The following MAPT variants were observed in gnomAD, a reference collection of about 807,000 sequenced individuals.
MAPT encodes the protein microtubule-associated protein tau.
Under a neutral mutation model 67.9 loss-of-function variants are expected in MAPT, and 34 were observed. That is an observed-to-expected ratio of 0.50 (90% confidence interval 0.38 to 0.67). The LOEUF (loss-of-function observed/expected upper bound fraction) is 0.67, where lower values mean the gene tolerates loss of function less well. Among genes scored for constraint, MAPT ranks in the 30% least tolerant of loss-of-function variants. The pLI is 0.00. For synonymous variants in MAPT, 456 were observed against 464.5 expected (o/e 0.98, Z 0.23); for missense variants, 881 against 1,115.2 (o/e 0.79, Z 2.99).
chr17:45,936,572 A>G (rs12150111), intron 1 of MAPT, among the ~76,000 whole-genome samples: 21,834 of 152,280 alleles, frequency 0.14, 2,139 homozygotes, highest in Middle Eastern at 0.22. Flanking sequence ...TGGAATTGGC[A>G]AGCCTATCAC....
intron 7 of MAPT, 58 bp from the exon 8 acceptor site, chr17:45,991,402 T>C (rs922978951): frequency 6.2e-7 from 1 of 1,611,812 alleles, no homozygotes; most frequent in Admixed American, 1.7e-5. Context: ...GTGTTGACTC[T>C]TGGTGGCAGT....
At chr17:45,950,861 C>G (rs2068999216) in intron 1 of MAPT, among the ~76,000 whole-genome samples, 1 of 152,100 alleles carries the variant, frequency 6.6e-6, no homozygotes, top group Admixed American at 6.5e-5. Flanking sequence ...CGGGGTTTCA[C>G]CATGTTGGCC....
intron 1 of MAPT, among the ~76,000 whole-genome samples, chr17:45,950,557 C>A (rs1041468052): frequency 6.6e-6 from 1 of 152,224 alleles, no homozygotes; most frequent in African/African-American, 2.4e-5. Flanking sequence ...CCCCTTCCTG[C>A]ACACACACCC....
Position 45,970,747 on chromosome 17 carries a change from G to A in MAPT, c.134-1112G>A, listed in dbSNP as rs533956464. On this transcript the variant is annotated intron_variant, in intron 2 of 12. Coordinates refer to ENST00000262410, the MANE Select transcript of MAPT (RefSeq NM_001377265.1). Reference sequence around the variant, plus strand: ...GAAGTGGAACTGGGACTTGAACCCAGCCATCTTGCCCCTTGGTCCCATGCT... The same window carrying A: ...GAAGTGGAACTGGGACTTGAACCCAACCATCTTGCCCCTTGGTCCCATGCT... 1.1e-4 allele frequency among the ~76,000 whole-genome samples: 16 copies of A among 152,324 alleles called. 1 individual carries two copies. In the South Asian group the frequency reaches 2.5e-3, roughly 24 times the overall value.
chr17:45,996,656 G>A lies in MAPT; in HGVS notation c.1990G>A (p.Gly664Ser). Residue 664 changes from glycine to serine, a missense_variant, in exon 9 of 13, where the codon GGC (glycine) becomes AGC (serine). This residue lies in a region of MAPT where 34 missense variants were observed against 51.2 expected (regional missense o/e 0.66). Transcript: ENST00000262410. This position sits in a 1 kb window ranked among gnomAD's most constrained non-coding sequence, Gnocchi z 4.5. ...STENLKHQPGGGKVQIINKKL... is the reference protein window; with the variant it reads ...STENLKHQPGSGKVQIINKKL... ...TGAGAACCTGAAGCACCAGCCGGGA[G>A]GCGGGAAGGTGAGAGTGGCTGGCTG... The A allele has an allele frequency of 6.2e-7, 1 of 1,613,858 alleles. No individual in the cohort carries two copies. The highest frequency in any genetic ancestry group is 8.5e-7 in the Non-Finnish European group (1 of 1,179,898).
At chr17:45,911,385 C>T (rs1186091757) in intron 1 of MAPT, among the ~76,000 whole-genome samples, 1 of 152,218 alleles carries the variant, frequency 6.6e-6, no homozygotes, top group African/African-American at 2.4e-5. Context: ...GTCCCAGCTG[C>T]TGGGGAATCT....
In MAPT at chr17:45,989,998, C is replaced by T. The variant is rs2073934978; in HGVS notation, c.1528C>T (p.Pro510Ser). 3.1e-6 allele frequency: 5 copies of T among 1,614,156 alleles called. No individual in the cohort carries two copies. Among genetic ancestry groups the T allele is most frequent in the East Asian group, 2.2e-5 (1 of 44,878 alleles). The change falls in exon 7 of 13, where the codon CCA becomes TCA. Residue 510 changes from proline to serine, a missense_variant. By Grantham distance (74) the Pro-to-Ser change is moderately conservative. Coordinates refer to ENST00000262410, the MANE Select transcript of MAPT (RefSeq NM_001377265.1). Reference protein sequence around the residue: ...QPSSPAVCPEPPSSPKYVSSV... With the variant: ...QPSSPAVCPESPSSPKYVSSV... ...CTCCAGCCCTGCTGTGTGCCCAGAGCCACCTTCCTCTCCTAAATACGTCTC... is the reference window on the plus strand; with the variant it reads ...CTCCAGCCCTGCTGTGTGCCCAGAGTCACCTTCCTCTCCTAAATACGTCTC...
intron 11 of MAPT, among the ~76,000 whole-genome samples, chr17:46,017,257 G>A (rs990362335): frequency 6.6e-6 from 1 of 152,084 alleles, no homozygotes; most frequent in African/African-American, 2.4e-5. Context: ...GGTGTCAAGC[G>A]TCAGGAGGGA....
At chr17:45,916,175 G>GAGAAGC (rs1038922059) in intron 1 of MAPT, among the ~76,000 whole-genome samples, 58 of 152,336 alleles carry the variant, frequency 3.8e-4, no homozygotes, top group African/African-American at 1.3e-3. Context: ...TCTACACCCA[G>GAGAAGC]AGAAGCAGCA....
chr17:45,927,162 A>G (rs764521857), intron 1 of MAPT, among the ~76,000 whole-genome samples: 11 of 152,136 alleles, frequency 7.2e-5, no homozygotes, highest in Non-Finnish European at 1.3e-4. Context: ...TTTTCAAAAC[A>G]AAAAATTGGA....
At chr17:45,967,425 A>T (rs1157286919) in intron 2 of MAPT, among the ~76,000 whole-genome samples, 4 of 152,230 alleles carry the variant, frequency 2.6e-5, no homozygotes, top group Non-Finnish European at 5.9e-5. Context: ...CTGAAAAATA[A>T]CAAAACCCAG....
intron 6 of MAPT, among the ~76,000 whole-genome samples, chr17:45,987,613 T>G (rs991249931): frequency 2.0e-5 from 3 of 152,236 alleles, no homozygotes; most frequent in Non-Finnish European, 2.9e-5. Flanking sequence ...TGGCTCTAGA[T>G]AAGACCTATT....
chr17:45,962,394 G>A lies in MAPT; in HGVS notation c.57G>A (p.Gly19=). 1.9e-6 allele frequency: 3 copies of A among 1,612,740 alleles called. No homozygotes were observed. The highest frequency in any genetic ancestry group is 2.0e-4 in the Middle Eastern group (1 of 5,026). Residue 19 remains glycine (G), a synonymous_variant, in exon 2 of 13, where the codon GGG becomes GGA. Transcript: ENST00000262410. ...EVMEDHAGTY[G]LGDRKDQGGY... is the part of the protein sequence containing the mutation. ...TGGAAGATCACGCTGGGACGTACGG[G>A]TTGGGGGACAGGAAAGATCAGGGGG...
At chr17:45,966,285 C>T (rs889671294) in intron 2 of MAPT, among the ~76,000 whole-genome samples, 1 of 152,098 alleles carries the variant, frequency 6.6e-6, no homozygotes. Context: ...ATAACAAGTT[C>T]GTTTAAAATT....
intron 1 of MAPT, among the ~76,000 whole-genome samples, chr17:45,904,347 TTA>T (rs980838977): frequency 8.6e-5 from 7 of 81,446 alleles, no homozygotes; most frequent in African/African-American, 2.7e-4. Flanking sequence ...TATATATATA[TTA>T]TATATATTAT....
chr17:45,931,225 C>A (rs2066822473), intron 1 of MAPT, among the ~76,000 whole-genome samples: 1 of 152,010 alleles, frequency 6.6e-6, no homozygotes, highest in African/African-American at 2.4e-5. Flanking sequence ...CATTTGACAC[C>A]CAGCGCTGAC....
intron 2 of MAPT, 38 bp downstream of exon 2, chr17:45,962,508 G>A (rs1280395338): frequency 1.2e-6 from 2 of 1,610,760 alleles, no homozygotes; most frequent in Admixed American, 1.7e-5. Flanking sequence ...CCAGATCACT[G>A]CAAGCCAAGG....
chr17:46,002,631 G>A (rs1462386422), intron 9 of MAPT, among the ~76,000 whole-genome samples: 1 of 152,208 alleles, frequency 6.6e-6, no homozygotes, highest in Non-Finnish European at 1.5e-5. Context: ...GGAAGCCCAG[G>A]ATGGACAGAA....
At chr17:46,008,115 GAGACGA>G (rs1304930947) in intron 9 of MAPT, among the ~76,000 whole-genome samples, 37 of 152,106 alleles carry the variant, frequency 2.4e-4, no homozygotes, top group Non-Finnish European at 3.4e-4. Context: ...TTTGTATTTT[GAGACGA>G]AGTCTCATTC....
Sources: allele counts gnomAD v4.1 joint callset (sites outside exome capture counted in the v4.1 genomes callset), GRCh38; gene constraint gnomAD v4.1.1; regional missense constraint gnomAD v4.1.1; non-coding constraint Gnocchi (gnomAD v3.1); transcripts MANE v1.5; gene names NCBI Gene and HGNC (gene_info 2026-07-23, HGNC 2026-07-21).